The following FAM98A variants were observed in gnomAD, a reference collection of about 807,000 sequenced individuals.
FAM98A encodes the protein tRNA splicing ligase complex subunit 3A.
Under a neutral mutation model 62.9 loss-of-function variants are expected in FAM98A, and 25 were observed. The ratio of observed to expected loss-of-function variants is 0.40; its 90% confidence interval spans 0.29 to 0.56. The LOEUF is 0.56. Ranked by LOEUF, FAM98A falls within the 20% of genes least tolerant of loss-of-function variation. The probability of loss-of-function intolerance (pLI) is 0.51; values close to 1 mark genes in which losing one functional copy is unlikely to be tolerated. For synonymous variants in FAM98A, 252 were observed against 228.6 expected (o/e 1.10, Z -0.92); for missense variants, 653 against 640.7 (o/e 1.02, Z -0.21).
chr2:33,599,158 G>C lies in FAM98A; in HGVS notation c.53+11C>G, dbSNP rs201376976. On this transcript the variant is annotated intron_variant, in intron 1 of 7. Transcript: ENST00000238823. ...GTGGGGCTTGGGAGACCCGTGCCCTGACAATCTTACCCTAGATCTTCCAAC... is the reference window on the plus strand; with the variant it reads ...GTGGGGCTTGGGAGACCCGTGCCCTCACAATCTTACCCTAGATCTTCCAAC... 1.2e-6 allele frequency: 2 copies of C among 1,612,290 alleles called. No homozygotes were observed. Among genetic ancestry groups the C allele is most frequent in the African/African-American group, 2.7e-5 (2 of 75,000 alleles).
At chr2:33,591,238 AT>A (rs967421392) in intron 3 of FAM98A, among the ~76,000 whole-genome samples, 7 of 151,748 alleles carry the variant, frequency 4.6e-5, no homozygotes, top group African/African-American at 1.7e-4. Context: ...AAGTTGTATA[AT>A]TTTTTCAGAA....
chr2:33,584,947 A>G lies in FAM98A; in HGVS notation c.1386T>C (p.Gly462=). 1 of 1,613,328 alleles carries G rather than the reference A, an allele frequency of 6.2e-7. No homozygotes were observed. Among genetic ancestry groups the G allele is most frequent in the South Asian group, 1.1e-5 (1 of 90,994 alleles). ...CTCGGCCTCCACGACCACCTCGCCCACCACGACCACCACCACGATCACCAT... is the reference window on the plus strand; with the variant it reads ...CTCGGCCTCCACGACCACCTCGCCCGCCACGACCACCACCACGATCACCAT... ...GHHGDRGGGR[G]GRGGRGGRGG... is the part of the protein sequence containing the mutation. Residue 462 remains glycine (G), a synonymous_variant, in exon 8 of 8, where the codon GGT becomes GGC. Transcript: ENST00000238823.
At chr2:33,598,994 G>A (rs754335320) in intron 1 of FAM98A, among the ~76,000 whole-genome samples, 175 bp downstream of exon 1, 5 of 152,130 alleles carry the variant, frequency 3.3e-5, no homozygotes, top group Non-Finnish European at 5.9e-5. Flanking sequence ...AGGACCCCGA[G>A]CTAGCAGTGC....
At chr2:33,586,995 AATTTCAG>A (rs1464738837) in intron 5 of FAM98A, 1 of 526,098 alleles carries the variant, frequency 1.9e-6, no homozygotes, top group Admixed American at 3.4e-5. Flanking sequence ...CACCATACTT[AATTTCAG>A]TTTACTTTTA....
chr2:33,593,770 T>G (rs182755663), intron 2 of FAM98A, among the ~76,000 whole-genome samples: 2 of 152,176 alleles, frequency 1.3e-5, no homozygotes, highest in Non-Finnish European at 2.9e-5. Flanking sequence ...GCTGGGAGGA[T>G]GAGGAGGAAA....
intron 1 of FAM98A, among the ~76,000 whole-genome samples, chr2:33,598,213 T>G (rs1677857882): frequency 6.6e-6 from 1 of 152,174 alleles, no homozygotes; most frequent in Admixed American, 6.5e-5. Flanking sequence ...CTCTCAAAGG[T>G]TTCCTTGTCA....
Position 33,583,713 on chromosome 2 carries a change from C to T in FAM98A, c.*1063G>A, listed in dbSNP as rs1036671803. ...CCTTTCACACAAAGCACACCTCCAG[C>T]CATTTTCTTTCACAGCTTGACAATG... On this transcript the variant is annotated 3_prime_UTR_variant, in exon 8 of 8. Transcript: ENST00000238823. 1 of 152,620 alleles carries T rather than the reference C, an allele frequency of 6.6e-6. No individual in the cohort carries two copies. The highest frequency in any genetic ancestry group is 2.4e-5 in the African/African-American group (1 of 41,432). The allele number at this position is 152,620 out of a possible 1,614,324, so 9.5% of individuals were successfully genotyped here. A position where few individuals can be genotyped will look rare whatever the true frequency, so the allele number is the denominator to read the frequency against.
At chr2:33,587,400 C>A (rs1358712167) in intron 4 of FAM98A, 80 bp from the exon 5 acceptor site, 8 of 1,088,610 alleles carry the variant, frequency 7.3e-6, no homozygotes, top group Non-Finnish European at 1.1e-5. Flanking sequence ...TCATATCTTG[C>A]CATCAAAAGA....
At chr2:33,592,028 T>A in intron 3 of FAM98A, 52 bp downstream of exon 3, 1 of 1,480,024 alleles carries the variant, frequency 6.8e-7, no homozygotes, top group Non-Finnish European at 9.3e-7. Context: ...TTATTAGTCA[T>A]GGAAAACATA....
At chr2:33,596,415 A>T (rs1004882404) in intron 1 of FAM98A, among the ~76,000 whole-genome samples, 5 of 152,196 alleles carry the variant, frequency 3.3e-5, no homozygotes, top group African/African-American at 7.2e-5. Context: ...TAAAAAATTT[A>T]AAAATGTTCA....
At chr2:33,590,255 C>G (rs953748204) in intron 3 of FAM98A, among the ~76,000 whole-genome samples, 1 of 152,258 alleles carries the variant, frequency 6.6e-6, no homozygotes, top group East Asian at 1.9e-4. Flanking sequence ...AAGAGCCAAA[C>G]AGAGTCCTTA....
Position 33,599,277 on chromosome 2 carries a change from C to A in FAM98A, c.-56G>T. On this transcript the variant is annotated 5_prime_UTR_variant, in exon 1 of 8. Transcript: ENST00000238823. ...CAGGCTCCCCTCTTCGCCGGCAACGCGTACACTCGCGCATGCGCGACTTCC... is the reference window on the plus strand; with the variant it reads ...CAGGCTCCCCTCTTCGCCGGCAACGAGTACACTCGCGCATGCGCGACTTCC... 1 of 1,436,166 alleles carries A rather than the reference C, an allele frequency of 7.0e-7. No homozygotes were observed. The highest frequency in any genetic ancestry group is 9.8e-7 in the Non-Finnish European group (1 of 1,017,386). 89.0% of individuals were successfully genotyped at this position (1,436,166 alleles called of 1,614,324 possible).
intron 4 of FAM98A, 175 bp from the exon 5 acceptor site, chr2:33,587,495 C>T: frequency 1.7e-6 from 1 of 591,644 alleles, no homozygotes. Context: ...ACTGGTCCCA[C>T]TCCTCACGCC....
chr2:33,597,320 C>T lies in FAM98A; in HGVS notation c.54-1683G>A, dbSNP rs1001155098. On this transcript the variant is annotated intron_variant, in intron 1 of 7. Transcript: ENST00000238823. ...ACCAGCCTGGTCACCAGAGCAAGAC[C>T]TCATCTCTTAATAAATAAATAAATA... 4.6e-5 allele frequency among the ~76,000 whole-genome samples: 7 copies of T among 152,256 alleles called. No individual in the cohort carries two copies. In the South Asian group the frequency reaches 6.2e-4, roughly 14 times the overall value.
chr2:33,593,830 C>T (rs888365159), intron 2 of FAM98A, among the ~76,000 whole-genome samples: 30 of 152,152 alleles, frequency 2.0e-4, no homozygotes, highest in African/African-American at 7.2e-4. Context: ...TACCTTCTAA[C>T]CTGTTTTACA....
At chr2:33,598,958 G>A (rs1352952616) in intron 1 of FAM98A, among the ~76,000 whole-genome samples, 1 of 152,098 alleles carries the variant, frequency 6.6e-6, no homozygotes, top group Non-Finnish European at 1.5e-5. Flanking sequence ...GGGAGCACTG[G>A]GCAGGCCTAG....
In FAM98A at chr2:33,584,349, CAT is replaced by C. The variant is rs533156139; in HGVS notation, c.*425_*426del. 305 of 170,656 alleles carry C rather than the reference CAT, an allele frequency of 1.8e-3. 2 individuals carry two copies. Among genetic ancestry groups the C allele is most frequent in the African/African-American group, 6.8e-3 (284 of 41,914 alleles). 10.6% of individuals were successfully genotyped at this position (170,656 alleles called of 1,614,324 possible). A position where few individuals can be genotyped will look rare whatever the true frequency, so the allele number is the denominator to read the frequency against. On this transcript the variant is annotated 3_prime_UTR_variant, in exon 8 of 8. Coordinates refer to ENST00000238823, the MANE Select transcript of FAM98A (RefSeq NM_015475.5). ...GCATTGGAATACTTTAAGCAAAACACATATAAATGGTTATTCATATGAGGAAG... is the reference window on the plus strand; with the variant it reads ...GCATTGGAATACTTTAAGCAAAACACATAAATGGTTATTCATATGAGGAAG...
chr2:33,590,681 A>T (rs934610875), intron 3 of FAM98A, among the ~76,000 whole-genome samples: 2 of 152,208 alleles, frequency 1.3e-5, no homozygotes, highest in African/African-American at 4.8e-5. Context: ...ATTCTTGAAA[A>T]GCATTTGAGG....
At position 33,585,696 on chromosome 2, in the gene FAM98A, C is replaced by G. The variant is rs1166637008; in HGVS notation, c.722G>C (p.Ser241Thr). The change falls in exon 7 of 8, where the codon AGC becomes ACC. Residue 241 changes from serine to threonine, a missense_variant and splice_region_variant. By Grantham distance (58) the Ser-to-Thr change is moderately conservative. Coordinates refer to ENST00000238823, the MANE Select transcript of FAM98A (RefSeq NM_015475.5). ...AACCTTGGCTAATTTTTCTGTCTGG[C>G]TCTGTTGAAAGAAAAGTGTTCAAAG... ...QSFGWSDRAKSQTEKLAKVYQ... is the reference protein window; with the variant it reads ...QSFGWSDRAKTQTEKLAKVYQ... The G allele has an allele frequency of 1.9e-6, 3 of 1,608,928 alleles. No individual in the cohort carries two copies. Among genetic ancestry groups the G allele is most frequent in the African/African-American group, 2.7e-5 (2 of 74,592 alleles).
Sources: gnomAD v4.1 joint callset for allele counts (sites outside exome capture counted in the v4.1 genomes callset) on GRCh38, gnomAD v4.1.1 for gene constraint, MANE v1.5 for transcripts, NCBI Gene and HGNC (gene_info 2026-07-23, HGNC 2026-07-21) for gene names.